Variants in GRIK4 observed in about 807,000 individuals in gnomAD.
GRIK4 encodes the protein glutamate receptor ionotropic, kainate 4.
In GRIK4, 40 loss-of-function variants were observed where a neutral mutation model predicts 104.9. The ratio of observed to expected loss-of-function variants is 0.38; its 90% CI spans 0.30 to 0.50. The LOEUF is 0.50. Ranked by LOEUF, GRIK4 falls within the 20% of genes least tolerant of loss-of-function variation. GRIK4 has a pLI of 0.93. For missense variants in GRIK4, 1,047 were observed against 1,308.1 expected (o/e 0.80, Z 3.08); for synonymous variants, 485 against 524.9 (o/e 0.92, Z 1.04).
chr11:120,905,581 C>A lies in GRIK4; in HGVS notation c.1476+88C>A. 1.2e-6 allele frequency: 1 copy of A among 868,934 alleles called. No individual in the cohort carries two copies. The highest frequency in any genetic ancestry group is 1.9e-6 in the Non-Finnish European group (1 of 527,772). The allele number at this position is 868,934 out of a possible 1,614,324, so 53.8% of individuals were successfully genotyped here. ...GTTGTGCTGCACGCTCATGAACCCT[C>A]CATTTGTTCAGTCAATCATTCATGC... is the stretch of plus-strand genomic sequence containing the variant. On this transcript the variant is annotated intron_variant, in intron 13 of 20. Coordinates refer to ENST00000527524, the MANE Select transcript of GRIK4 (RefSeq NM_014619.5). The surrounding 1 kb of genome is among the most constrained non-coding windows in gnomAD (Gnocchi z 5.1).
At position 120,769,561 on chromosome 11, in the gene GRIK4, C is replaced by T. The variant is rs77958435; in HGVS notation, c.83-33132C>T. 2.2e-3 allele frequency among the ~76,000 whole-genome samples: 342 copies of T among 152,222 alleles called. 6 individuals carry two copies. Among genetic ancestry groups the T allele is most frequent in the African/African-American group, 7.9e-3 (330 of 41,528 alleles). ...TCCCAAAACATTAATAATGTAAAGA[C>T]AATTCTTAACTTGCAGACCACATCA... On this transcript the variant is annotated intron_variant, in intron 3 of 20. Transcript: ENST00000527524.
intron 20 of GRIK4, among the ~76,000 whole-genome samples, chr11:120,984,446 G>T (rs1325024205): frequency 6.6e-6 from 1 of 152,156 alleles, no homozygotes; most frequent in Non-Finnish European, 1.5e-5. Flanking sequence ...TTTGTGAAAT[G>T]GATATAATAA....
chr11:120,818,515 G>C (rs959624791), intron 5 of GRIK4, among the ~76,000 whole-genome samples: 1 of 152,190 alleles, frequency 6.6e-6, no homozygotes, highest in African/African-American at 2.4e-5. Context: ...AATATTGGTT[G>C]CCCTCTCCCT....
intron 3 of GRIK4, among the ~76,000 whole-genome samples, chr11:120,705,300 C>T (rs971825676): frequency 2.0e-5 from 3 of 150,584 alleles, no homozygotes; most frequent in Non-Finnish European, 4.4e-5. Flanking sequence ...GGCACAATCT[C>T]GGCTCACTAC....
At chr11:120,852,780 A>G (rs551000688) in intron 8 of GRIK4, among the ~76,000 whole-genome samples, 51 of 152,174 alleles carry the variant, frequency 3.4e-4, no homozygotes, top group Non-Finnish European at 2.8e-4. Context: ...GAGAGGATGT[A>G]AGGGTGCCCA....
intron 1 of GRIK4, among the ~76,000 whole-genome samples, chr11:120,527,240 G>A (rs1296697296): frequency 2.6e-5 from 4 of 152,226 alleles, no homozygotes; most frequent in Non-Finnish European, 5.9e-5. Flanking sequence ...CTGGGGTCCT[G>A]CCAGGCCTCA....
At chr11:120,801,702 T>C (rs1952624766) in intron 3 of GRIK4, among the ~76,000 whole-genome samples, 1 of 152,230 alleles carries the variant, frequency 6.6e-6, no homozygotes, top group Admixed American at 6.5e-5. Flanking sequence ...CTATATATAT[T>C]TGTGTACAAG....
At chr11:120,590,739 C>G (rs1239939359) in intron 1 of GRIK4, among the ~76,000 whole-genome samples, 1 of 152,180 alleles carries the variant, frequency 6.6e-6, no homozygotes, top group Non-Finnish European at 1.5e-5. Flanking sequence ...CCACAGGGTC[C>G]TTGCCTCTAG....
chr11:120,796,453 T>C (rs1952518236), intron 3 of GRIK4, among the ~76,000 whole-genome samples: 3 of 152,094 alleles, frequency 2.0e-5, no homozygotes, highest in African/African-American at 7.2e-5. Context: ...GAAGGATAAA[T>C]ACCCCTCCAA....
chr11:120,817,379 C>T (rs754279788), intron 5 of GRIK4, among the ~76,000 whole-genome samples: 143 of 152,344 alleles, frequency 9.4e-4, no homozygotes, highest in Admixed American at 4.0e-3. Flanking sequence ...GACGCTTACC[C>T]GCCTTTGTCT....
rs1953067360 is a variant in GRIK4 at position 120,819,976 on chromosome 11, C to T, written c.511+56C>T. Reference sequence around the variant, plus strand: ...ACAGTCCAGTCTTGTTGATTTTGCCCTGATTCCCTGTGCCCCTGGCTGGAG... The same window carrying T: ...ACAGTCCAGTCTTGTTGATTTTGCCTTGATTCCCTGTGCCCCTGGCTGGAG... On this transcript the variant is annotated intron_variant, in intron 6 of 20. Coordinates refer to ENST00000527524, the MANE Select transcript of GRIK4 (RefSeq NM_014619.5). This position sits in a 1 kb window ranked among gnomAD's most constrained non-coding sequence, Gnocchi z 4.3. 13 of 1,550,682 alleles carry T rather than the reference C, an allele frequency of 8.4e-6. No homozygotes were observed. Among genetic ancestry groups the T allele is most frequent in the Non-Finnish European group, 1.2e-5 (13 of 1,129,420 alleles).
chr11:120,568,042 G>A (rs1002231443), intron 1 of GRIK4, among the ~76,000 whole-genome samples: 2 of 152,188 alleles, frequency 1.3e-5, no homozygotes, highest in African/African-American at 4.8e-5. Flanking sequence ...GCTGGGCATG[G>A]TGGTGCCTGC....
chr11:120,782,728 A>G (rs1952183391), intron 3 of GRIK4, among the ~76,000 whole-genome samples: 1 of 152,178 alleles, frequency 6.6e-6, no homozygotes, highest in Middle Eastern at 3.4e-3. Context: ...GGGCTCTGAA[A>G]TGAGGGAAAC....
chr11:120,742,522 TATTA>T (rs1951353125), intron 3 of GRIK4, among the ~76,000 whole-genome samples: 1 of 70,590 alleles, frequency 1.4e-5, no homozygotes, highest in African/African-American at 5.4e-5. Flanking sequence ...TTATTATTAT[TATTA>T]TTTTTTTTTG....
intron 1 of GRIK4, among the ~76,000 whole-genome samples, chr11:120,536,647 C>T (rs1195063747): frequency 5.3e-5 from 8 of 152,028 alleles, no homozygotes; most frequent in African/African-American, 1.7e-4. Flanking sequence ...TTCTGGTTGA[C>T]GTATGTATTG....
At chr11:120,605,170 A>G (rs1948943830) in intron 1 of GRIK4, among the ~76,000 whole-genome samples, 1 of 152,228 alleles carries the variant, frequency 6.6e-6, no homozygotes. Context: ...TTTCCAAGTG[A>G]TACTGATGAC....
chr11:120,786,916 G>A (rs985372904), intron 3 of GRIK4, among the ~76,000 whole-genome samples: 1 of 152,230 alleles, frequency 6.6e-6, no homozygotes, highest in African/African-American at 2.4e-5. Flanking sequence ...TGGCTCATCT[G>A]GGTGGAGATG....
intron 16 of GRIK4, among the ~76,000 whole-genome samples, chr11:120,958,233 T>C (rs1201998248): frequency 6.6e-6 from 1 of 152,246 alleles, no homozygotes; most frequent in East Asian, 1.9e-4. Flanking sequence ...GCTCTACCCT[T>C]ACCCCAGGAA....
intron 1 of GRIK4, among the ~76,000 whole-genome samples, chr11:120,638,795 C>T (rs567795592): frequency 1.2e-4 from 19 of 152,078 alleles, no homozygotes; most frequent in South Asian, 8.3e-4. Flanking sequence ...TCTTCTAAAG[C>T]GGCACGGTGA....
Sources: gnomAD v4.1 joint callset for allele counts (sites outside exome capture counted in the v4.1 genomes callset) on GRCh38, gnomAD v4.1.1 for gene constraint, Gnocchi (gnomAD v3.1) non-coding constraint, MANE v1.5 for transcripts, NCBI Gene and HGNC (gene_info 2026-07-23, HGNC 2026-07-21) for gene names.